The following SH3KBP1 variants were observed in gnomAD, a reference collection of about 807,000 sequenced individuals.
SH3KBP1 encodes SH3 domain-containing kinase-binding protein 1.
Under a neutral mutation model 50.1 loss-of-function variants are expected in SH3KBP1, and 8 were observed. The ratio of observed to expected loss-of-function variants is 0.16; its 90% confidence interval spans 0.09 to 0.29. The LOEUF is 0.29. SH3KBP1 is among the 10% of genes least tolerant of loss of function. SH3KBP1 has a pLI of 1.00. For missense variants in SH3KBP1, 377 were observed against 535.2 expected (o/e 0.70, Z 2.92); for synonymous variants, 227 against 218.6 (o/e 1.04, Z -0.34).
intron 7 of SH3KBP1, among the ~76,000 whole-genome samples, chrX:19,632,998 A>T (rs1171041543): frequency 8.9e-6 from 1 of 112,267 alleles, no homozygotes; most frequent in Non-Finnish European, 1.9e-5. Flanking sequence ...CTTAGAGGTA[A>T]CCTCTTGATG....
chrX:19,873,546 C>T (rs1417421329), intron 1 of SH3KBP1, among the ~76,000 whole-genome samples: 1 of 105,348 alleles, frequency 9.5e-6, no homozygotes, highest in Non-Finnish European at 1.9e-5. Context: ...GTGGCAGGCA[C>T]CTGTAATCCC....
rs142364267 is a variant in SH3KBP1 at position 19,787,996 on chromosome X, T to A, written c.163-41555A>T. On this transcript the variant is annotated intron_variant, in intron 2 of 17. Coordinates refer to ENST00000397821, the MANE Select transcript of SH3KBP1 (RefSeq NM_031892.3). ...TCCCCAAAAGATATGGAAGTCCTTA[T>A]CCCCAGTATCCATGAATATGACGTT... 1.6e-3 allele frequency among the ~76,000 whole-genome samples: 180 copies of A among 111,482 alleles called. 3 individuals are homozygous for A. The East Asian group carries it at 0.036, about 22-fold the overall frequency.
chrX:19,536,412 A>G lies in SH3KBP1; in HGVS notation c.*5T>C, dbSNP rs370509243. On this transcript the variant is annotated 3_prime_UTR_variant, in exon 18 of 18. Transcript: ENST00000397821. ...GAATAATGTGACATTTCATTGATCAAGTATTCATTTTGATTGTAGAGCTTT... is the reference window on the plus strand; with the variant it reads ...GAATAATGTGACATTTCATTGATCAGGTATTCATTTTGATTGTAGAGCTTT... 16 of 1,124,753 alleles carry G rather than the reference A, an allele frequency of 1.4e-5. No individual in the cohort carries two copies. The highest frequency in any genetic ancestry group is 1.8e-5 in the Non-Finnish European group (15 of 828,056). The allele number at this position is 1,124,753 out of a possible 1,213,427, so 92.7% of individuals were successfully genotyped here.
chrX:19,623,608 C>T (rs371974470), intron 8 of SH3KBP1, among the ~76,000 whole-genome samples: 6 of 112,195 alleles, frequency 5.3e-5, no homozygotes, highest in Non-Finnish European at 9.4e-5. Flanking sequence ...CACTTGAACC[C>T]GGCAGGCGGA....
chrX:19,577,672 A>C (rs1484150888), intron 12 of SH3KBP1, among the ~76,000 whole-genome samples: 1 of 110,466 alleles, frequency 9.1e-6, no homozygotes, highest in Non-Finnish European at 1.9e-5. Flanking sequence ...CAAGGTGTTG[A>C]AGTGCACAGG....
At chrX:19,816,933 G>A (rs989269583) in intron 2 of SH3KBP1, among the ~76,000 whole-genome samples, 1 of 112,163 alleles carries the variant, frequency 8.9e-6, no homozygotes, top group African/African-American at 3.2e-5. Context: ...GATCCGTTTT[G>A]AGTTAATTTT....
chrX:19,602,536 T>C (rs752405646), intron 9 of SH3KBP1, among the ~76,000 whole-genome samples: 1 of 112,428 alleles, frequency 8.9e-6, no homozygotes, highest in Non-Finnish European at 1.9e-5. Context: ...AAACCACCCA[T>C]GAAACTAAAT....
At chrX:19,588,186 G>A (rs1270384376) in intron 12 of SH3KBP1, 1 of 411,404 alleles carries the variant, frequency 2.4e-6, no homozygotes, top group African/African-American at 2.5e-5. Flanking sequence ...ACAGTGAAGA[G>A]CAGAGGGAGC....
At chrX:19,679,569 C>T (rs1383378132) in intron 6 of SH3KBP1, among the ~76,000 whole-genome samples, 1 of 111,976 alleles carries the variant, frequency 8.9e-6, no homozygotes, top group African/African-American at 3.3e-5. Context: ...CACATACTTA[C>T]ATCTGAGCTT....
chrX:19,872,970 C>T (rs1426540606), intron 1 of SH3KBP1, among the ~76,000 whole-genome samples: 1 of 109,225 alleles, frequency 9.2e-6, no homozygotes, highest in African/African-American at 3.4e-5. Flanking sequence ...TCCCATGTGC[C>T]AATTCCCTTG....
chrX:19,764,724 G>A (rs1289531613), intron 2 of SH3KBP1, among the ~76,000 whole-genome samples: 1 of 110,573 alleles, frequency 9.0e-6, no homozygotes, highest in Non-Finnish European at 1.9e-5. Context: ...GTCCTATGTC[G>A]GGGGTAGTGT....
chrX:19,782,187 G>A (rs773672176), intron 2 of SH3KBP1, among the ~76,000 whole-genome samples: 1 of 111,196 alleles, frequency 9.0e-6, no homozygotes, highest in Non-Finnish European at 1.9e-5. Flanking sequence ...ACACAGAGGA[G>A]AAGATGGACA....
chrX:19,724,978 C>A lies in SH3KBP1; in HGVS notation c.287-17994G>T, dbSNP rs779709540. 4.5e-5 allele frequency among the ~76,000 whole-genome samples: 5 copies of A among 111,740 alleles called. No individual in the cohort carries two copies. In the South Asian group the frequency reaches 1.9e-3, roughly 42 times the overall value. Reference sequence around the variant, plus strand: ...AAATCCTAGACTCTGTGAACAGGAACTCAGCTGGCCTCCTTGGGGATTACT... The same window carrying A: ...AAATCCTAGACTCTGTGAACAGGAAATCAGCTGGCCTCCTTGGGGATTACT... On this transcript the variant is annotated intron_variant, in intron 3 of 17. Transcript: ENST00000397821.
intron 16 of SH3KBP1, among the ~76,000 whole-genome samples, chrX:19,539,579 G>T (rs1342590296): frequency 8.9e-6 from 1 of 112,063 alleles, no homozygotes; most frequent in East Asian, 2.8e-4. Context: ...GCAGTCCAAA[G>T]AAAGTCACTA....
At chrX:19,740,825 C>T (rs747791022) in intron 3 of SH3KBP1, 108 of 301,738 alleles carry the variant, frequency 3.6e-4, no homozygotes, top group Non-Finnish European at 6.1e-4. Flanking sequence ...AGATCCACGC[C>T]ACCGCCTTGG....
intron 1 of SH3KBP1, among the ~76,000 whole-genome samples, chrX:19,875,217 C>T (rs1027245817): frequency 1.8e-5 from 2 of 111,751 alleles, no homozygotes; most frequent in African/African-American, 6.5e-5. Flanking sequence ...CCCAGAGGCA[C>T]AGACACACTT....
chrX:19,756,974 G>A (rs1007725264), intron 2 of SH3KBP1, among the ~76,000 whole-genome samples: 2 of 109,977 alleles, frequency 1.8e-5, no homozygotes, highest in African/African-American at 6.6e-5. Context: ...ACTGATAACT[G>A]AGGCTGCCTC....
intron 14 of SH3KBP1, 96 bp from the exon 15 acceptor site, chrX:19,546,146 A>G (rs2065077147): frequency 1.0e-6 from 1 of 994,496 alleles, no homozygotes; most frequent in Non-Finnish European, 1.4e-6. Flanking sequence ...AGCACTCGAC[A>G]CTGCTATTTT....
intron 2 of SH3KBP1, among the ~76,000 whole-genome samples, chrX:19,812,046 A>T (rs908364234): frequency 9.0e-6 from 1 of 111,556 alleles, no homozygotes; most frequent in Admixed American, 9.5e-5. Flanking sequence ...CCAGGGCAGG[A>T]TGTGGTTTGA....
Sources: allele counts gnomAD v4.1 joint callset (sites outside exome capture counted in the v4.1 genomes callset), GRCh38; gene constraint gnomAD v4.1.1; transcripts MANE v1.5; gene names NCBI Gene and HGNC (gene_info 2026-07-23, HGNC 2026-07-21).